The following SLC19A3 variants were observed in gnomAD, a reference collection of about 807,000 sequenced individuals.
SLC19A3 encodes the protein thiamine transporter 2.
Under a neutral mutation model 40.2 loss-of-function variants are expected in SLC19A3, and 31 were observed. That is an observed-to-expected ratio of 0.77 (90% CI 0.58 to 1.04). The LOEUF is 1.04. SLC19A3 is among the 50% of genes least tolerant of loss of function. SLC19A3 has a pLI of 0.00. For synonymous variants in SLC19A3, 212 were observed against 227.5 expected (o/e 0.93, Z 0.61); for missense variants, 592 against 596.7 (o/e 0.99, Z 0.08).
intron 4 of SLC19A3, chr2:227,695,448 A>G (rs1436881891): frequency 5.4e-6 from 1 of 186,786 alleles, no homozygotes; most frequent in African/African-American, 2.4e-5. Context: ...ACAAAATACG[A>G]AAAATTAGCT....
chr2:227,713,277 C>T (rs1322234950), intron 1 of SLC19A3, among the ~76,000 whole-genome samples: 1 of 151,656 alleles, frequency 6.6e-6, no homozygotes, highest in East Asian at 1.9e-4. Flanking sequence ...GTGGTATATG[C>T]CTGTAGTCCT....
chr2:227,708,525 G>A (rs1696028477), intron 1 of SLC19A3, among the ~76,000 whole-genome samples: 1 of 151,958 alleles, frequency 6.6e-6, no homozygotes, highest in South Asian at 2.1e-4. Flanking sequence ...CTTGAGCCCA[G>A]GAGAGCCTGG....
chr2:227,699,519 G>A lies in SLC19A3; in HGVS notation c.196C>T (p.Leu66=). 3 of 1,614,174 alleles carry A rather than the reference G, an allele frequency of 1.9e-6. No homozygotes were observed. Among genetic ancestry groups the A allele is most frequent in the Non-Finnish European group, 2.5e-6 (3 of 1,180,040 alleles). ...FPVWTYSYLV[L]LLPVFVLTDY... Reference sequence around the variant, plus strand: ...GTGAGGACAAACACAGGCAGCAGCAGCACCAGGTAGGAGTATGTCCAAACG... The same window carrying A: ...GTGAGGACAAACACAGGCAGCAGCAACACCAGGTAGGAGTATGTCCAAACG... The change falls in exon 3 of 6, where the codon CTG becomes TTG. Residue 66 remains leucine, a synonymous_variant. Coordinates refer to ENST00000644224, the MANE Select transcript of SLC19A3 (RefSeq NM_025243.4).
chr2:227,697,387 T>C (rs924487909), intron 3 of SLC19A3, among the ~76,000 whole-genome samples: 1 of 152,212 alleles, frequency 6.6e-6, no homozygotes, highest in South Asian at 2.1e-4. Flanking sequence ...CATTTAAGCT[T>C]CCAGTTACTA....
intron 1 of SLC19A3, among the ~76,000 whole-genome samples, chr2:227,715,780 C>T (rs35883718): frequency 0.15 from 22,187 of 151,422 alleles, 2,144 homozygotes; most frequent in South Asian, 0.33. Context: ...CGAGACCTCA[C>T]CTCTATAAAA....
intron 4 of SLC19A3, among the ~76,000 whole-genome samples, chr2:227,693,876 GA>G (rs1695327614): frequency 2.6e-5 from 4 of 151,782 alleles, no homozygotes. Context: ...ACTCTACAGG[GA>G]AAAAAAGTCT....
intron 2 of SLC19A3, chr2:227,701,100 T>C: frequency 7.7e-7 from 1 of 1,295,224 alleles, no homozygotes; most frequent in Non-Finnish European, 1.0e-6. Context: ...AATTGTGGCA[T>C]GCTTCAACCT....
At chr2:227,693,044 GAC>G (rs1367391251) in intron 4 of SLC19A3, among the ~76,000 whole-genome samples, 5 of 151,944 alleles carry the variant, frequency 3.3e-5, no homozygotes, top group African/African-American at 7.2e-5. Context: ...AATTGAAGAG[GAC>G]ACACACACAC....
intron 2 of SLC19A3, among the ~76,000 whole-genome samples, chr2:227,700,362 C>T (rs529446454): frequency 6.8e-6 from 1 of 147,938 alleles, no homozygotes; most frequent in East Asian, 2.0e-4. Context: ...CATGATGAAA[C>T]CCCGTCTACA....
rs527581851 is a variant in SLC19A3 at position 227,709,819 on chromosome 2, C to A, written c.-2-7499G>T. 3.3e-5 allele frequency among the ~76,000 whole-genome samples: 5 copies of A among 152,134 alleles called. 1 individual carries two copies. Among genetic ancestry groups the A allele is most frequent in the Admixed American group, 2.6e-4 (4 of 15,266 alleles). ...CCTCGTCCATGTTGTACTGACAATA[C>A]TGCCAGAATTAACCCAGATGCCAGT... On this transcript the variant is annotated intron_variant, in intron 1 of 5. Coordinates refer to ENST00000644224, the MANE Select transcript of SLC19A3 (RefSeq NM_025243.4).
chr2:227,715,315 A>C (rs1304821427), intron 1 of SLC19A3, among the ~76,000 whole-genome samples: 1 of 152,172 alleles, frequency 6.6e-6, no homozygotes, highest in African/African-American at 2.4e-5. Context: ...GACGTAAACT[A>C]GACCCAGATA....
Position 227,687,108 on chromosome 2 carries a change from T to C in SLC19A3, c.*289A>G, listed in dbSNP as rs1695043276. ...ATGGTTTGGTTCCACGCCATCTGCA[T>C]GTCTTTACAAGTGATAAAAACCAGA... On this transcript the variant is annotated 3_prime_UTR_variant, in exon 6 of 6. Transcript: ENST00000644224. 7.1e-6 allele frequency: 2 copies of C among 279,924 alleles called. No homozygotes were observed. The highest frequency in any genetic ancestry group is 7.4e-5 in the East Asian group (1 of 13,516). 17.3% of individuals were successfully genotyped at this position (279,924 alleles called of 1,614,324 possible). A position where few individuals can be genotyped will look rare whatever the true frequency, so the allele number is the denominator to read the frequency against.
chr2:227,696,194 C>T (rs1695430026), intron 3 of SLC19A3, 113 bp from the exon 4 acceptor site: 2 of 992,132 alleles, frequency 2.0e-6, no homozygotes, highest in Non-Finnish European at 3.1e-6. Flanking sequence ...AAATATATTG[C>T]TTTCACAAAA....
intron 1 of SLC19A3, among the ~76,000 whole-genome samples, chr2:227,704,284 C>T (rs1376419337): frequency 2.6e-5 from 4 of 152,140 alleles, no homozygotes; most frequent in Non-Finnish European, 5.9e-5. Context: ...GCCTGGTTTT[C>T]GTGAGTGCAT....
At chr2:227,707,612 A>T (rs111568421) in intron 1 of SLC19A3, among the ~76,000 whole-genome samples, 3,312 of 143,812 alleles carry the variant, frequency 0.023, 116 homozygotes, top group African/African-American at 0.076. Context: ...AAAATATAAT[A>T]AAAAAAAACA....
chr2:227,712,050 C>CAAAAAAA (rs397988111), intron 1 of SLC19A3, among the ~76,000 whole-genome samples: 2 of 65,492 alleles, frequency 3.1e-5, no homozygotes, highest in Non-Finnish European at 5.1e-5. Context: ...ACTCTGTCTC[C>CAAAAAAA]AAAAAAAAAA....
intron 1 of SLC19A3, among the ~76,000 whole-genome samples, chr2:227,716,908 T>C (rs182240601): frequency 4.6e-5 from 7 of 151,712 alleles, no homozygotes; most frequent in Admixed American, 6.6e-5. Context: ...GTCTATTTAA[T>C]ATATGTGCCT....
In SLC19A3 at chr2:227,695,583, G is replaced by C. The variant is rs114279933; in HGVS notation, c.1172+306C>G. 1,968 of 360,994 alleles carry C rather than the reference G, an allele frequency of 5.5e-3. 33 individuals carry two copies. The highest frequency in any genetic ancestry group is 0.038 in the African/African-American group (1,794 of 47,502). The allele number at this position is 360,994 out of a possible 1,614,324, so 22.4% of individuals were successfully genotyped here. Reference sequence around the variant, plus strand: ...TGATCGCACCACTGCTCTCCAGCCTGGGCAAGAGAGCCAGGCCATCTCTCA... The same window carrying C: ...TGATCGCACCACTGCTCTCCAGCCTCGGCAAGAGAGCCAGGCCATCTCTCA... On this transcript the variant is annotated intron_variant, in intron 4 of 5. Transcript: ENST00000644224.
At chr2:227,700,353 A>G (rs1248347529) in intron 2 of SLC19A3, among the ~76,000 whole-genome samples, 1 of 150,072 alleles carries the variant, frequency 6.7e-6, no homozygotes, top group African/African-American at 2.5e-5. Context: ...CCTGGCCAAC[A>G]TGATGAAACC....
Sources: gnomAD v4.1 joint callset for allele counts (sites outside exome capture counted in the v4.1 genomes callset) on GRCh38, gnomAD v4.1.1 for gene constraint, MANE v1.5 for transcripts, NCBI Gene and HGNC (gene_info 2026-07-23, HGNC 2026-07-21) for gene names.